The following LHFPL6 variants were observed in gnomAD, a reference collection of about 807,000 sequenced individuals.
The protein encoded by LHFPL6 is LHFPL tetraspan subfamily member 6 protein.
In LHFPL6, 9 loss-of-function variants were observed where a neutral mutation model predicts 20.6. The ratio of observed to expected loss-of-function variants is 0.44; its 90% CI spans 0.26 to 0.76. The LOEUF (loss-of-function observed/expected upper bound fraction) is 0.76. Among genes scored for constraint, LHFPL6 ranks in the 30% least tolerant of loss-of-function variants. The pLI is 0.20. For missense variants in LHFPL6, 218 were observed against 253.5 expected (o/e 0.86, Z 0.95); for synonymous variants, 105 against 98.7 (o/e 1.06, Z -0.38).
intron 2 of LHFPL6, among the ~76,000 whole-genome samples, chr13:39,478,636 G>A (rs1030943528): frequency 6.6e-5 from 10 of 152,226 alleles, no homozygotes; most frequent in South Asian, 4.2e-4. Context: ...AAATAAAGTA[G>A]ATGGCCCTTC....
intron 2 of LHFPL6, among the ~76,000 whole-genome samples, chr13:39,567,256 T>C (rs931079442): frequency 6.6e-5 from 10 of 152,204 alleles, no homozygotes; most frequent in African/African-American, 2.4e-4. Flanking sequence ...AAATTTCTTA[T>C]AAAATCTCAA....
intron 2 of LHFPL6, among the ~76,000 whole-genome samples, chr13:39,510,230 C>CTGAA (rs113649481): frequency 0.1 from 15,853 of 152,204 alleles, 1,027 homozygotes; most frequent in African/African-American, 0.18. Context: ...GCACCACCCA[C>CTGAA]TGAAGGTAGA....
In LHFPL6 at chr13:39,554,000, T is replaced by C. The variant is rs149511660; in HGVS notation, c.385+46832A>G. Among the ~76,000 whole-genome samples the C allele has an allele frequency of 3.8e-3, 586 of 152,372 alleles. 3 individuals are homozygous for C. Among genetic ancestry groups the C allele is most frequent in the Non-Finnish European group, 6.7e-3 (457 of 68,034 alleles). On this transcript the variant is annotated intron_variant, in intron 2 of 3. Coordinates refer to ENST00000379589, the MANE Select transcript of LHFPL6 (RefSeq NM_005780.3). Reference sequence around the variant, plus strand: ...AATATATGGTTGTCGTTTTAAGCTATGAAATTTTGAGGTGGCTTGTTATAC... The same window carrying C: ...AATATATGGTTGTCGTTTTAAGCTACGAAATTTTGAGGTGGCTTGTTATAC...
intron 2 of LHFPL6, among the ~76,000 whole-genome samples, chr13:39,466,799 T>C (rs962361619): frequency 1.3e-5 from 2 of 152,202 alleles, no homozygotes; most frequent in South Asian, 2.1e-4. Flanking sequence ...TCCTAAGCAT[T>C]TACCATAAAA....
At chr13:39,359,222 G>A (rs1038714660) in intron 3 of LHFPL6, among the ~76,000 whole-genome samples, 7 of 152,066 alleles carry the variant, frequency 4.6e-5, no homozygotes, top group East Asian at 3.9e-4. Context: ...GAAATTATAC[G>A]CTGCTGGCGG....
At chr13:39,570,144 G>T (rs1467580058) in intron 2 of LHFPL6, among the ~76,000 whole-genome samples, 1 of 151,992 alleles carries the variant, frequency 6.6e-6, no homozygotes, top group Non-Finnish European at 1.5e-5. Context: ...TTATTTTATT[G>T]TATTTATTTA....
intron 3 of LHFPL6, among the ~76,000 whole-genome samples, chr13:39,373,885 C>CG (rs1327942878): frequency 1.3e-5 from 2 of 152,030 alleles, no homozygotes; most frequent in Non-Finnish European, 2.9e-5. Flanking sequence ...CAGATGCTGG[C>CG]GAGGCTATGG....
At position 39,540,087 on chromosome 13, in the gene LHFPL6, T is replaced by C. The variant is rs1487923414; in HGVS notation, c.385+60745A>G. The stretch of plus-strand genomic sequence containing the variant: ...ATTCAGATTTTTTAAAAACCCACAG[T>C]GTTAAGATAGCCTATAAATTCTTTG... On this transcript the variant is annotated intron_variant, in intron 2 of 3. Coordinates refer to ENST00000379589, the MANE Select transcript of LHFPL6 (RefSeq NM_005780.3). Among the ~76,000 whole-genome samples, 6 of 152,192 alleles carry C rather than the reference T, an allele frequency of 3.9e-5. No homozygotes were observed. The East Asian group carries it at 1.2e-3, about 29-fold the overall frequency.
chr13:39,462,301 T>C (rs1017679200), intron 2 of LHFPL6, among the ~76,000 whole-genome samples: 1 of 152,204 alleles, frequency 6.6e-6, no homozygotes, highest in Non-Finnish European at 1.5e-5. Flanking sequence ...ACAATAATTG[T>C]TACAGCCAGC....
intron 3 of LHFPL6, among the ~76,000 whole-genome samples, chr13:39,373,559 T>C (rs1053367732): frequency 1.3e-5 from 2 of 152,158 alleles, no homozygotes; most frequent in African/African-American, 4.8e-5. Context: ...ACTAGGGTAA[T>C]TGGATGGGGC....
intron 2 of LHFPL6, among the ~76,000 whole-genome samples, chr13:39,433,904 T>C (rs941765609): frequency 6.6e-6 from 1 of 152,208 alleles, no homozygotes; most frequent in Non-Finnish European, 1.5e-5. Flanking sequence ...TTTCCTCTAC[T>C]CCCTTCAACC....
chr13:39,362,848 C>A (rs953940511), intron 3 of LHFPL6, among the ~76,000 whole-genome samples: 1 of 152,134 alleles, frequency 6.6e-6, no homozygotes, highest in Non-Finnish European at 1.5e-5. Flanking sequence ...ACAATGTTCC[C>A]GTGAGACAAT....
At chr13:39,588,690 TC>T (rs1438422996) in intron 2 of LHFPL6, among the ~76,000 whole-genome samples, 2 of 152,234 alleles carry the variant, frequency 1.3e-5, no homozygotes, top group African/African-American at 4.8e-5. Flanking sequence ...TAGCATTACT[TC>T]CTTTTATCTT....
chr13:39,347,158 A>C (rs1270293682), intron 3 of LHFPL6, among the ~76,000 whole-genome samples: 1 of 151,736 alleles, frequency 6.6e-6, no homozygotes, highest in Non-Finnish European at 1.5e-5. Context: ...ATGAGGGCTT[A>C]AATGTCTGCT....
intron 3 of LHFPL6, among the ~76,000 whole-genome samples, chr13:39,373,271 T>A (rs1870205050): frequency 6.6e-6 from 1 of 152,142 alleles, no homozygotes; most frequent in Non-Finnish European, 1.5e-5. Flanking sequence ...CTCCACAGAC[T>A]GGTTTCTCTG....
At chr13:39,427,274 T>C (rs1219226409) in intron 2 of LHFPL6, among the ~76,000 whole-genome samples, 1 of 152,240 alleles carries the variant, frequency 6.6e-6, no homozygotes, top group East Asian at 1.9e-4. Context: ...GTCTTCTTTC[T>C]TTTCCTTGCT....
rs556098223 is a variant in LHFPL6 at position 39,547,359 on chromosome 13, T to C, written c.385+53473A>G. The stretch of plus-strand genomic sequence containing the variant: ...CCATTCATCTTGTATCCCCAATACC[T>C]AGCAAGGGGCTTTGTCACAGAAAGA... On this transcript the variant is annotated intron_variant, in intron 2 of 3. Transcript: ENST00000379589. Among the ~76,000 whole-genome samples, 143 of 152,186 alleles carry C rather than the reference T, an allele frequency of 9.4e-4. 1 individual carries two copies. Among genetic ancestry groups the C allele is most frequent in the Admixed American group, 1.2e-3 (18 of 15,282 alleles).
intron 2 of LHFPL6, among the ~76,000 whole-genome samples, chr13:39,582,754 G>A (rs1872328136): frequency 6.6e-6 from 1 of 152,134 alleles, no homozygotes; most frequent in Admixed American, 6.5e-5. Flanking sequence ...CAACCAAACA[G>A]CAATCATCTT....
chr13:39,584,650 T>C (rs1872391790), intron 2 of LHFPL6, among the ~76,000 whole-genome samples: 1 of 151,980 alleles, frequency 6.6e-6, no homozygotes, highest in Non-Finnish European at 1.5e-5. Context: ...GGTAGTAATA[T>C]TCTTACGTAG....
Sources: gnomAD v4.1 joint callset for allele counts (sites outside exome capture counted in the v4.1 genomes callset) on GRCh38, gnomAD v4.1.1 for gene constraint, MANE v1.5 for transcripts, NCBI Gene and HGNC (gene_info 2026-07-23, HGNC 2026-07-21) for gene names.